FAM53A: variants seen among roughly 807,000 people sequenced by gnomAD.
FAM53A encodes the protein protein FAM53A.
A neutral mutation model predicts 26.6 loss-of-function variants in FAM53A; 28 were observed. The observed-to-expected ratio is 1.05, with a 90% CI of 0.78 to 1.45. The LOEUF is 1.45. Ranked by LOEUF, FAM53A falls within the 40% of genes most tolerant of loss-of-function variation. The pLI is 0.00. For synonymous variants in FAM53A, 290 were observed against 253.1 expected (o/e 1.15, Z -1.38); for missense variants, 650 against 575.8 (o/e 1.13, Z -1.32).
At chr4:1,679,550 G>A (rs1396685754) in intron 1 of FAM53A, among the ~76,000 whole-genome samples, 1 of 148,442 alleles carries the variant, frequency 6.7e-6, no homozygotes, top group African/African-American at 2.5e-5. Context: ...GCCTGGCGTG[G>A]TGGCACGCAC....
rs1181607232 is a variant in FAM53A at position 1,630,420 on chromosome 4, G to A, written c.432-12309C>T. On this transcript the variant is annotated intron_variant, in intron 1 of 1. Coordinates refer to the FAM53A transcript ENST00000489029. This position sits in a 1 kb window ranked among gnomAD's most constrained non-coding sequence, Gnocchi z 4.3. ...CGGGGAGTTCCCATCAAACTCTACGGAAACAGGCCGCGTCTGTATGTGGCC... is the reference window on the plus strand; with the variant it reads ...CGGGGAGTTCCCATCAAACTCTACGAAAACAGGCCGCGTCTGTATGTGGCC... 1.3e-5 allele frequency among the ~76,000 whole-genome samples: 2 copies of A among 152,226 alleles called. No homozygotes were observed. Among genetic ancestry groups the A allele is most frequent in the African/African-American group, 2.4e-5 (1 of 41,452 alleles).
At chr4:1,655,867 C>T (rs2108912204) in intron 3 of FAM53A, 144 bp from the exon 4 acceptor site, 13 of 1,040,012 alleles carry the variant, frequency 1.2e-5, no homozygotes, top group Middle Eastern at 3.2e-4. Context: ...CCAAGATGTC[C>T]GTGGCGCACA....
chr4:1,657,062 C>A (rs556682230), intron 3 of FAM53A, among the ~76,000 whole-genome samples: 1 of 152,342 alleles, frequency 6.6e-6, no homozygotes, highest in African/African-American at 2.4e-5. Context: ...GCTGACGCTA[C>A]AAGCCCTGCC....
At chr4:1,595,135 G>A in the FAM53A span, among the ~76,000 whole-genome samples, 2 of 152,240 alleles carry the variant, frequency 1.3e-5, no homozygotes, top group African/African-American at 2.4e-5. Context: ...ACAGGAGTCA[G>A]AGGACAGGGA....
chr4:1,602,496 T>C, the FAM53A span, among the ~76,000 whole-genome samples: 3 of 152,252 alleles, frequency 2.0e-5, no homozygotes, highest in African/African-American at 7.2e-5. Flanking sequence ...CTTTCTGGAA[T>C]GACAGGTGAC....
intron 2 of FAM53A, among the ~76,000 whole-genome samples, chr4:1,661,191 G>C (rs1475862006): frequency 6.6e-6 from 1 of 152,114 alleles, no homozygotes; most frequent in Non-Finnish European, 1.5e-5. Flanking sequence ...CTGAGAGTCA[G>C]ATCCCAGATG....
the FAM53A span, among the ~76,000 whole-genome samples, chr4:1,605,195 G>A: frequency 1.2e-3 from 183 of 152,256 alleles, 1 homozygote; most frequent in East Asian, 6.2e-3. This position sits in a 1 kb window ranked among gnomAD's most constrained non-coding sequence, Gnocchi z 5.7. Flanking sequence ...CAGAGTAGGC[G>A]GTGGGGGTGG....
the FAM53A span, among the ~76,000 whole-genome samples, chr4:1,579,346 T>C: frequency 6.8e-6 from 1 of 148,066 alleles, no homozygotes; most frequent in Non-Finnish European, 1.5e-5. Context: ...GGCCCCTCCC[T>C]ACCCCGGCCG....
chr4:1,645,022 C>T (rs1303339996), intron 4 of FAM53A: 3 of 152,374 alleles, frequency 2.0e-5, no homozygotes, highest in Non-Finnish European at 4.4e-5. Flanking sequence ...GGGAGGGGCT[C>T]ACAGGGTCCC....
intron 2 of FAM53A, among the ~76,000 whole-genome samples, chr4:1,664,261 G>C (rs1416978269): frequency 5.9e-5 from 9 of 152,196 alleles, no homozygotes. Context: ...TACAGAGAAA[G>C]TATGTCTAGA....
At chr4:1,679,491 G>C (rs1715260502) in intron 1 of FAM53A, among the ~76,000 whole-genome samples, 1 of 150,718 alleles carries the variant, frequency 6.6e-6, no homozygotes, top group African/African-American at 2.4e-5. Flanking sequence ...TTCGAGACCA[G>C]CCTGGCCAAT....
At chr4:1,662,828 A>G (rs113166682) in intron 2 of FAM53A, among the ~76,000 whole-genome samples, 7 of 152,302 alleles carry the variant, frequency 4.6e-5, no homozygotes, top group African/African-American at 1.4e-4. Flanking sequence ...CAGAACCACA[A>G]TGAGATACCA....
intron 4 of FAM53A, among the ~76,000 whole-genome samples, chr4:1,652,621 ACAC>A (rs1712956937): frequency 7.0e-6 from 1 of 143,454 alleles, no homozygotes; most frequent in Admixed American, 7.0e-5. Flanking sequence ...CCACACACAC[ACAC>A]ACCAGACACA....
intron 4 of FAM53A, chr4:1,644,275 G>A (rs759960775): frequency 2.3e-5 from 35 of 1,535,828 alleles, no homozygotes; most frequent in African/African-American, 2.2e-4. Flanking sequence ...GCTCGGACCC[G>A]ACAGATGCTG....
intron 1 of FAM53A, among the ~76,000 whole-genome samples, chr4:1,634,058 G>A (rs1715731086): frequency 6.6e-6 from 1 of 152,176 alleles, no homozygotes; most frequent in Non-Finnish European, 1.5e-5. Context: ...GGGCTCTCTG[G>A]CAGTGAGTAG....
chr4:1,613,069 C>A (rs1169314506), downstream of FAM53A, among the ~76,000 whole-genome samples: 1 of 152,220 alleles, frequency 6.6e-6, no homozygotes, highest in Non-Finnish European at 1.5e-5. Flanking sequence ...TCTGCAGCAA[C>A]CCAACCCGGC....
At chr4:1,606,196 A>G in the FAM53A span, among the ~76,000 whole-genome samples, 1 of 149,520 alleles carries the variant, frequency 6.7e-6, no homozygotes, top group African/African-American at 2.5e-5. Flanking sequence ...CTGCCACCAC[A>G]CCTGGATAAT....
chr4:1,641,708 C>T (rs751628715), intron 4 of FAM53A, 101 bp from the exon 5 acceptor site: 37 of 1,209,034 alleles, frequency 3.1e-5, no homozygotes, highest in Non-Finnish European at 4.3e-5. Flanking sequence ...GGGCTCTGGC[C>T]ATCCCCAAGA....
chr4:1,578,878 G>C, the FAM53A span, among the ~76,000 whole-genome samples: 1 of 52,770 alleles, frequency 1.9e-5, no homozygotes, highest in South Asian at 1.2e-3. Context: ...GAGAGAAGAG[G>C]GGGAGGGGAG....
Sources: gnomAD v4.1 joint callset for allele counts (sites outside exome capture counted in the v4.1 genomes callset) on GRCh38, gnomAD v4.1.1 for gene constraint, Gnocchi (gnomAD v3.1) non-coding constraint, MANE v1.5 for transcripts, NCBI Gene and HGNC (gene_info 2026-07-23, HGNC 2026-07-21) for gene names.